Variants in PTPRG observed in about 807,000 individuals in gnomAD.
PTPRG encodes protein tyrosine phosphatase receptor type G, also known as receptor-type tyrosine-protein phosphatase gamma.
In PTPRG, 102 loss-of-function variants were observed where a neutral mutation model predicts 165.3. The ratio of observed to expected loss-of-function variants is 0.62; its 90% confidence interval spans 0.53 to 0.73. PTPRG has a LOEUF of 0.73. Among genes scored for constraint, PTPRG ranks in the 30% least tolerant of loss-of-function variants. The pLI, the probability that PTPRG is intolerant of heterozygous loss-of-function variation, is 0.00. For missense variants in PTPRG, 1,866 were observed against 1,861.4 expected (o/e 1.00, Z -0.05); for synonymous variants, 675 against 669.5 (o/e 1.01, Z -0.13).
chr3:62,158,173 G>T (rs956513091), intron 7 of PTPRG, among the ~76,000 whole-genome samples: 5 of 152,176 alleles, frequency 3.3e-5, no homozygotes, highest in African/African-American at 1.2e-4. Flanking sequence ...GTCAGAGGAA[G>T]GGGAACCATC....
intron 1 of PTPRG, among the ~76,000 whole-genome samples, chr3:61,675,863 G>T (rs1320787168): frequency 6.6e-6 from 1 of 152,080 alleles, no homozygotes; most frequent in East Asian, 1.9e-4. Context: ...CATCTCCCCA[G>T]ATCTACACAT....
chr3:62,119,578 C>T (rs978693115), intron 5 of PTPRG, among the ~76,000 whole-genome samples: 11 of 151,882 alleles, frequency 7.2e-5, no homozygotes, highest in East Asian at 3.9e-4. Flanking sequence ...AGAGCTTTTA[C>T]GCTGGCATGG....
chr3:61,998,517 A>G (rs1474065039), intron 3 of PTPRG, among the ~76,000 whole-genome samples: 2 of 152,214 alleles, frequency 1.3e-5, no homozygotes, highest in Non-Finnish European at 2.9e-5. Context: ...AAGTGCATTA[A>G]CTTTCTCGTA....
chr3:61,868,566 C>G (rs1179514109), intron 2 of PTPRG, among the ~76,000 whole-genome samples: 1 of 152,174 alleles, frequency 6.6e-6, no homozygotes, highest in African/African-American at 2.4e-5. Context: ...TTTCTTCCTC[C>G]TTTTAAATTT....
At chr3:61,938,577 C>G (rs1305866901) in intron 2 of PTPRG, among the ~76,000 whole-genome samples, 1 of 152,170 alleles carries the variant, frequency 6.6e-6, no homozygotes, top group Non-Finnish European at 1.5e-5. Context: ...TGTAAGTGTT[C>G]CGCTTATGTT....
At chr3:61,630,997 A>T (rs557461775) in intron 1 of PTPRG, among the ~76,000 whole-genome samples, 1 of 152,272 alleles carries the variant, frequency 6.6e-6, no homozygotes, top group Admixed American at 6.5e-5. Flanking sequence ...TGGAGGTTAC[A>T]GTGAGCCAAG....
chr3:62,279,328 A>G (rs60878428), intron 26 of PTPRG, among the ~76,000 whole-genome samples: 2,670 of 152,142 alleles, frequency 0.018, 71 homozygotes, highest in African/African-American at 0.061. Flanking sequence ...AAGAAGCAGC[A>G]TTTATTTTTC....
chr3:61,748,443 G>T (rs762732556), intron 1 of PTPRG, among the ~76,000 whole-genome samples: 1 of 152,160 alleles, frequency 6.6e-6, no homozygotes. Flanking sequence ...TTACACACAG[G>T]TTGTAAACTT....
chr3:62,125,718 A>G (rs1215119452), intron 5 of PTPRG, among the ~76,000 whole-genome samples: 4 of 150,598 alleles, frequency 2.7e-5, no homozygotes, highest in Non-Finnish European at 4.4e-5. Context: ...CGTCATGACA[A>G]TATCTGTGTG....
rs201022551 is a variant in PTPRG, at chr3:61,680,880, C to T, written c.86-67998C>T. On this transcript the variant is annotated intron_variant, in intron 1 of 29. Transcript: ENST00000474889. ...TTGGGAACCTGTATATGGCATATGC[C>T]ATGTGCACAGTGGGATGTGTTTAAA... 3.6e-4 allele frequency among the ~76,000 whole-genome samples: 46 copies of T among 126,994 alleles called. 7 individuals carry two copies. In the East Asian group the frequency reaches 6.6e-3, roughly 18 times the overall value. The allele number at this position is 126,994 out of a possible 152,430, so 83.3% of individuals were successfully genotyped here.
intron 2 of PTPRG, among the ~76,000 whole-genome samples, chr3:61,882,914 A>C (rs1254404122): frequency 1.3e-5 from 2 of 152,096 alleles, no homozygotes; most frequent in African/African-American, 4.8e-5. Flanking sequence ...CTGCCATCTC[A>C]GGCCTCTGCC....
At chr3:61,840,773 TG>T (rs1277500556) in intron 2 of PTPRG, among the ~76,000 whole-genome samples, 34 of 114,892 alleles carry the variant, frequency 3.0e-4, no homozygotes, top group East Asian at 2.7e-3. Flanking sequence ...GAGTTTTTTT[TG>T]TTTGTTTGTT....
intron 2 of PTPRG, among the ~76,000 whole-genome samples, chr3:61,801,197 C>G (rs1559619318): frequency 6.6e-6 from 1 of 152,120 alleles, no homozygotes; most frequent in Non-Finnish European, 1.5e-5. Context: ...TTCAAAAGCA[C>G]ACATATTTTC....
At chr3:62,196,683 T>G (rs999073820) in intron 10 of PTPRG, among the ~76,000 whole-genome samples, 6 of 152,162 alleles carry the variant, frequency 3.9e-5, no homozygotes, top group Non-Finnish European at 5.9e-5. Context: ...TGAGGTCCTC[T>G]TGGATCAGGT....
chr3:61,740,310 C>T (rs561760047), intron 1 of PTPRG, among the ~76,000 whole-genome samples: 57 of 152,216 alleles, frequency 3.7e-4, no homozygotes, highest in Non-Finnish European at 6.8e-4. Context: ...TATTTGATGC[C>T]GTGAGCCCAA....
rs186415157 is a variant in PTPRG, at chr3:61,762,887, G to A, written c.190+13905G>A. Among the ~76,000 whole-genome samples the A allele has an allele frequency of 1.7e-3, 258 of 152,196 alleles. 1 individual carries two copies. The highest frequency in any genetic ancestry group is 2.6e-3 in the Non-Finnish European group (178 of 68,000). The stretch of plus-strand genomic sequence containing the variant: ...TGTTGTTTAGGCTTTGCCATCCTTA[G>A]TGGGTAGGCTTGGTCCTTAGAATCA... On this transcript the variant is annotated intron_variant, in intron 2 of 29. Coordinates refer to ENST00000474889, the MANE Select transcript of PTPRG (RefSeq NM_002841.4).
At chr3:61,937,486 C>CA (rs1257540362) in intron 2 of PTPRG, among the ~76,000 whole-genome samples, 1 of 152,150 alleles carries the variant, frequency 6.6e-6, no homozygotes, top group Non-Finnish European at 1.5e-5. Context: ...TCTTAGAAGC[C>CA]ATTTGAAATA....
At chr3:61,920,309 A>G (rs2039045722) in intron 2 of PTPRG, among the ~76,000 whole-genome samples, 1 of 152,098 alleles carries the variant, frequency 6.6e-6, no homozygotes, top group African/African-American at 2.4e-5. Flanking sequence ...CTCCTCCCAA[A>G]ATGTCATAGT....
chr3:61,762,314 C>T (rs1433390073), intron 2 of PTPRG, among the ~76,000 whole-genome samples: 1 of 152,136 alleles, frequency 6.6e-6, no homozygotes, highest in Non-Finnish European at 1.5e-5. Context: ...ACCTGCTGTG[C>T]CAGAAAGAAC....
Sources: allele counts gnomAD v4.1 joint callset (sites outside exome capture counted in the v4.1 genomes callset), GRCh38; gene constraint gnomAD v4.1.1; transcripts MANE v1.5; gene names NCBI Gene and HGNC (gene_info 2026-07-23, HGNC 2026-07-21).